Variants in TPX2 observed in about 807,000 individuals in gnomAD.
TPX2 encodes TPX2 microtubule nucleation factor.
A neutral mutation model predicts 93.6 loss-of-function variants in TPX2; 21 were observed. The observed-to-expected ratio is 0.22, with a 90% CI of 0.16 to 0.32. The LOEUF (loss-of-function observed/expected upper bound fraction) is 0.32. TPX2 is among the 10% of genes least tolerant of loss of function. TPX2 has a pLI of 1.00. For synonymous variants in TPX2, 281 were observed against 298.3 expected (o/e 0.94, Z 0.60); for missense variants, 776 against 871.1 (o/e 0.89, Z 1.37).
Position 31,801,347 on chromosome 20 carries a change from G to A in TPX2, c.*267G>A. ...GTTACTTCCTTTAAACCATCAGCCG[G>A]CCTTTTATATGGGTCTTCACTCTGA... On this transcript the variant is annotated 3_prime_UTR_variant, in exon 18 of 18. Coordinates refer to ENST00000300403, the MANE Select transcript of TPX2 (RefSeq NM_012112.5). 2.7e-6 allele frequency: 1 copy of A among 369,154 alleles called. No individual in the cohort carries two copies. The allele number at this position is 369,154 out of a possible 1,614,324, so 22.9% of individuals were successfully genotyped here.
At chr20:31,788,931 C>T (rs574275306) in intron 12 of TPX2, among the ~76,000 whole-genome samples, 1 of 152,214 alleles carries the variant, frequency 6.6e-6, no homozygotes, top group East Asian at 1.9e-4. Flanking sequence ...TCCTAACTGC[C>T]CTGGGACAGG....
intron 2 of TPX2, among the ~76,000 whole-genome samples, chr20:31,749,987 G>T (rs891018016): frequency 1.3e-5 from 2 of 151,498 alleles, no homozygotes; most frequent in Non-Finnish European, 2.9e-5. Context: ...TGCCAGGCTG[G>T]AGTGCAGTGG....
chr20:31,773,390 A>G (rs1021780531), intron 7 of TPX2, among the ~76,000 whole-genome samples: 16 of 146,692 alleles, frequency 1.1e-4, no homozygotes, highest in Non-Finnish European at 4.7e-5. Context: ...ACCTCAAGGG[A>G]TCTGTCTGCC....
intron 2 of TPX2, among the ~76,000 whole-genome samples, chr20:31,745,905 A>G (rs549962344): frequency 6.6e-6 from 1 of 152,292 alleles, no homozygotes; most frequent in East Asian, 1.9e-4. Context: ...TCTAGGTCCT[A>G]TTAGTCATAG....
intron 2 of TPX2, 59 bp from the exon 3 acceptor site, chr20:31,757,348 A>G (rs1211030892): frequency 5.3e-6 from 4 of 748,640 alleles, no homozygotes; most frequent in South Asian, 1.9e-5. Context: ...ACGTGGTAGT[A>G]AAACCAAAGT....
chr20:31,794,888 T>A (rs1242948374), intron 15 of TPX2, among the ~76,000 whole-genome samples: 2 of 151,928 alleles, frequency 1.3e-5, no homozygotes, highest in African/African-American at 4.8e-5. Context: ...TGGCACAATC[T>A]CGGCTCACTG....
chr20:31,770,516 C>T (rs774649761), intron 6 of TPX2, 45 bp downstream of exon 6: 4 of 1,447,144 alleles, frequency 2.8e-6, no homozygotes, highest in East Asian at 2.5e-5. Flanking sequence ...ACATATTGTA[C>T]CTTGTATACC....
At chr20:31,786,820 T>C (rs372009907) in intron 12 of TPX2, among the ~76,000 whole-genome samples, 5 of 152,310 alleles carry the variant, frequency 3.3e-5, no homozygotes, top group African/African-American at 4.8e-5. Context: ...TAGGAGTTAG[T>C]TGAGATCTTA....
intron 16 of TPX2, among the ~76,000 whole-genome samples, chr20:31,797,986 C>G (rs2062148463): frequency 6.6e-6 from 1 of 152,072 alleles, no homozygotes; most frequent in African/African-American, 2.4e-5. Flanking sequence ...CACTTGAGCC[C>G]AGGGATTTGA....
chr20:31,783,244 TA>T (rs1454311038), intron 11 of TPX2, among the ~76,000 whole-genome samples: 4 of 151,844 alleles, frequency 2.6e-5, no homozygotes, highest in Admixed American at 2.6e-4. Flanking sequence ...ATTCTTTTAT[TA>T]TTTTTTATTT....
At chr20:31,747,283 G>A (rs937479426) in intron 2 of TPX2, among the ~76,000 whole-genome samples, 1 of 152,140 alleles carries the variant, frequency 6.6e-6, no homozygotes, top group South Asian at 2.1e-4. Context: ...CACCACGCCC[G>A]CTAATTTTTG....
Position 31,792,843 on chromosome 20 carries a change from G to C in TPX2, c.1509+13G>C, listed in dbSNP as rs1194709332. On this transcript the variant is annotated intron_variant, in intron 13 of 17. Transcript: ENST00000300403. ...CAAAGAAGATGAGGTGATTCCCTGGGAGTAGGGGGGTTCTTTTTCCTTCTA... is the reference window on the plus strand; with the variant it reads ...CAAAGAAGATGAGGTGATTCCCTGGCAGTAGGGGGGTTCTTTTTCCTTCTA... 2 of 1,610,554 alleles carry C rather than the reference G, an allele frequency of 1.2e-6. No homozygotes were observed. The highest frequency in any genetic ancestry group is 2.2e-5 in the South Asian group (2 of 91,014).
chr20:31,796,857 T>A (rs2062141868), intron 15 of TPX2, among the ~76,000 whole-genome samples: 1 of 152,136 alleles, frequency 6.6e-6, no homozygotes, highest in Non-Finnish European at 1.5e-5. Flanking sequence ...TTTGTTTTTT[T>A]TAATTGACAA....
intron 2 of TPX2, among the ~76,000 whole-genome samples, chr20:31,754,897 T>C (rs2061842155): frequency 6.6e-6 from 1 of 152,130 alleles, no homozygotes; most frequent in Non-Finnish European, 1.5e-5. Context: ...AATAATAGTT[T>C]GTATATATAT....
Position 31,776,097 on chromosome 20 carries a change from G to A in TPX2, c.730+109G>A, listed in dbSNP as rs533988522. 7 of 834,368 alleles carry A rather than the reference G, an allele frequency of 8.4e-6. 1 individual carries two copies. The highest frequency in any genetic ancestry group is 6.7e-5 in the African/African-American group (3 of 44,884). 51.7% of individuals were successfully genotyped at this position (834,368 alleles called of 1,614,324 possible). On this transcript the variant is annotated intron_variant, in intron 8 of 17. Coordinates refer to ENST00000300403, the MANE Select transcript of TPX2 (RefSeq NM_012112.5). ...TTTTTTTTTTTTTTTTTTTTGAGAC[G>A]GAGTCTCGCTCTGTCGCCCAGGCCG... is the stretch of plus-strand genomic sequence containing the variant.
chr20:31,799,497 C>G (rs916737372), intron 17 of TPX2, among the ~76,000 whole-genome samples: 5 of 152,184 alleles, frequency 3.3e-5, no homozygotes, highest in African/African-American at 1.2e-4. Flanking sequence ...TAATTAGCAT[C>G]TTGCTAATTA....
Position 31,760,133 on chromosome 20 carries a change from G to A in TPX2, c.183G>A (p.Leu61=). ...GGCTTTTTCAGGGCAAAACTCCTTT[G>A]AGAAAGGCTAATCTTCAGCAAGCTA... ...TGGLFQGKTP[L]RKANLQQAIV... The change falls in exon 4 of 18, where the codon TTG becomes TTA. Residue 61 remains leucine (L), a synonymous_variant. Coordinates refer to ENST00000300403, the MANE Select transcript of TPX2 (RefSeq NM_012112.5). 1 of 1,613,932 alleles carries A rather than the reference G, an allele frequency of 6.2e-7. No individual in the cohort carries two copies. Among genetic ancestry groups the A allele is most frequent in the Non-Finnish European group, 8.5e-7 (1 of 1,179,980 alleles).
intron 3 of TPX2, among the ~76,000 whole-genome samples, chr20:31,759,503 G>T (rs985591314): frequency 1.1e-4 from 16 of 148,264 alleles, no homozygotes; most frequent in African/African-American, 4.0e-4. Flanking sequence ...AGGTTCAAGC[G>T]ATTCCCCTGC....
At position 31,793,954 on chromosome 20, in the gene TPX2, C is replaced by T. The variant is rs1461939829; in HGVS notation, c.1616C>T (p.Ser539Leu). ...EARTVEICPF[S>L]FDSRDKERQL... Reference sequence around the variant, plus strand: ...AGAACTGTGGAAATATGCCCTTTCTCGTTTGATTCTCGAGACAAAGAACGT... The same window carrying T: ...AGAACTGTGGAAATATGCCCTTTCTTGTTTGATTCTCGAGACAAAGAACGT... The change falls in exon 14 of 18, where the codon TCG becomes TTG. Residue 539 changes from serine (S) to leucine (L), a missense_variant. Ser to Leu is a moderately radical substitution (Grantham distance 145). Coordinates refer to ENST00000300403, the MANE Select transcript of TPX2 (RefSeq NM_012112.5). 1.5e-5 allele frequency: 25 copies of T among 1,613,812 alleles called. No homozygotes were observed. The highest frequency in any genetic ancestry group is 3.3e-5 in the South Asian group (3 of 91,052).
Sources: gnomAD v4.1 joint callset for allele counts (sites outside exome capture counted in the v4.1 genomes callset) on GRCh38, gnomAD v4.1.1 for gene constraint, MANE v1.5 for transcripts, NCBI Gene and HGNC (gene_info 2026-07-23, HGNC 2026-07-21) for gene names.